ELF5: variants seen among roughly 807,000 people sequenced by gnomAD.
ELF5 encodes ETS-related transcription factor Elf-5.
In ELF5, 31 loss-of-function variants were observed where a neutral mutation model predicts 38.2. The ratio of observed to expected loss-of-function variants is 0.81; its 90% confidence interval spans 0.61 to 1.10. ELF5 has a LOEUF of 1.10. Ranked by LOEUF, ELF5 falls within the 50% of genes least tolerant of loss-of-function variation. The pLI is 0.00. For synonymous variants in ELF5, 121 were observed against 112.5 expected, an observed-to-expected ratio of 1.08 and a Z score of -0.48; for missense variants, 300 against 306.6, an observed-to-expected ratio of 0.98 and a Z score of 0.16.
chr11:34,490,710 A>G (rs188115979), intron 3 of ELF5, among the ~76,000 whole-genome samples: 29 of 152,316 alleles, frequency 1.9e-4, no homozygotes, highest in African/African-American at 6.3e-4. Context: ...GTGTTTTCAC[A>G]TAGCAGTTTA....
chr11:34,489,970 C>A (rs756406296), intron 4 of ELF5, 39 bp downstream of exon 4: 7 of 1,612,324 alleles, frequency 4.3e-6, no homozygotes, highest in Non-Finnish European at 5.9e-6. Context: ...CAATGACAAC[C>A]TTGACAGAGC....
In ELF5 at chr11:34,480,798, T is replaced by A. The variant is rs2231828; in HGVS notation, c.645A>T (p.Thr215=). 6.2e-7 allele frequency: 1 copy of A among 1,613,858 alleles called. No individual in the cohort carries two copies. The highest frequency in any genetic ancestry group is 1.6e-4 in the Middle Eastern group (1 of 6,062). ...TCAGGGCTCTGCTCAACTTTTCATATGTCATTCTGTCATTTTTCTTCCTTT... is the reference window on the plus strand; with the variant it reads ...TCAGGGCTCTGCTCAACTTTTCATAAGTCATTCTGTCATTTTTCTTCCTTT... ...WGQRKKNDRM[T]YEKLSRALRY... is the part of the protein sequence containing the mutation. Residue 215 remains threonine (T), a synonymous_variant, in exon 6 of 7, where the codon ACA becomes ACT. Coordinates refer to ENST00000257832, the MANE Select transcript of ELF5 (RefSeq NM_001422.4).
At chr11:34,498,622 G>A (rs1228733708) in intron 2 of ELF5, among the ~76,000 whole-genome samples, 1 of 152,196 alleles carries the variant, frequency 6.6e-6, no homozygotes, top group Non-Finnish European at 1.5e-5. Flanking sequence ...GAGCAGAGGA[G>A]AGGGTGATGG....
chr11:34,481,241 C>T (rs1195477895), intron 5 of ELF5, among the ~76,000 whole-genome samples: 1 of 151,994 alleles, frequency 6.6e-6, no homozygotes, highest in African/African-American at 2.4e-5. Context: ...CCAGGCTGGC[C>T]TCGAACTCCT....
chr11:34,511,859 C>T (rs1397997038), intron 1 of ELF5: 4 of 455,646 alleles, frequency 8.8e-6, no homozygotes, highest in Non-Finnish European at 1.2e-5. Context: ...TCATCAACTT[C>T]ACTCTGGGCA....
chr11:34,489,669 A>G (rs1386590078), intron 4 of ELF5, among the ~76,000 whole-genome samples: 1 of 151,238 alleles, frequency 6.6e-6, no homozygotes, highest in Non-Finnish European at 1.5e-5. Flanking sequence ...TGACAAATGG[A>G]TACTGGTTTG....
At chr11:34,492,167 T>C (rs1293952107) in intron 3 of ELF5, 1 of 152,280 alleles carries the variant, frequency 6.6e-6, no homozygotes, top group Non-Finnish European at 1.5e-5. Context: ...TTGTCCTCTT[T>C]CAGGGAGTGC....
At chr11:34,505,253 TA>T (rs1850582729) in intron 2 of ELF5, among the ~76,000 whole-genome samples, 1 of 152,172 alleles carries the variant, frequency 6.6e-6, no homozygotes, top group Non-Finnish European at 1.5e-5. Context: ...AAATGTTGGC[TA>T]AAACCACCAT....
At chr11:34,496,965 G>T (rs1850334643) in intron 2 of ELF5, among the ~76,000 whole-genome samples, 1 of 152,190 alleles carries the variant, frequency 6.6e-6, no homozygotes, top group Non-Finnish European at 1.5e-5. Flanking sequence ...ACTAAAGCAA[G>T]ATTTGGATGA....
chr11:34,494,141 C>T (rs1274945531), intron 2 of ELF5, among the ~76,000 whole-genome samples: 1 of 152,190 alleles, frequency 6.6e-6, no homozygotes, highest in Non-Finnish European at 1.5e-5. Flanking sequence ...GTCTCAGTTT[C>T]CTCATCTGTA....
In ELF5 at chr11:34,506,002, C is replaced by T. The variant is rs573730712; in HGVS notation, c.-4-249G>A. On this transcript the variant is annotated intron_variant, in intron 1 of 6. Transcript: ENST00000257832. ...TGAGACAATTGCCAAAGTGATATAA[C>T]TAGAAAGTGGCAAAGAGGGGACTGG... 1.2e-3 allele frequency among the ~76,000 whole-genome samples: 178 copies of T among 152,268 alleles called. 2 individuals carry two copies. The highest frequency in any genetic ancestry group is 5.6e-4 in the Non-Finnish European group (38 of 68,014).
chr11:34,495,502 G>C (rs992668912), intron 2 of ELF5, among the ~76,000 whole-genome samples: 3 of 152,142 alleles, frequency 2.0e-5, no homozygotes, highest in Non-Finnish European at 4.4e-5. Context: ...CTATCCAGTA[G>C]GTGTAATTGG....
intron 1 of ELF5, among the ~76,000 whole-genome samples, chr11:34,513,400 G>A (rs1055470566): frequency 6.6e-6 from 1 of 152,240 alleles, no homozygotes; most frequent in African/African-American, 2.4e-5. Flanking sequence ...GCGCCTGGGC[G>A]CGTTCTCTTA....
intron 2 of ELF5, among the ~76,000 whole-genome samples, chr11:34,496,018 T>C (rs1430967106): frequency 6.6e-6 from 1 of 152,040 alleles, no homozygotes; most frequent in Admixed American, 6.6e-5. Context: ...CACAGTTGAT[T>C]TCATGGAAAG....
In ELF5 at chr11:34,490,088, A is replaced by G. The variant is rs750913133; in HGVS notation, c.356-29T>C. ...GGAAAGAAAAAGAAATCCAGAAACCATACCATGCAATCCTGGTTTCCACTG... is the reference window on the plus strand; with the variant it reads ...GGAAAGAAAAAGAAATCCAGAAACCGTACCATGCAATCCTGGTTTCCACTG... On this transcript the variant is annotated intron_variant, in intron 3 of 6. Transcript: ENST00000257832. 30 of 1,612,912 alleles carry G rather than the reference A, an allele frequency of 1.9e-5. No individual in the cohort carries two copies. In the Admixed American group the frequency reaches 4.7e-4, roughly 25 times the overall value.
chr11:34,499,224 A>C (rs981118801), intron 2 of ELF5, among the ~76,000 whole-genome samples: 5 of 152,116 alleles, frequency 3.3e-5, no homozygotes, highest in Admixed American at 6.5e-5. Flanking sequence ...CTCAAAGCAA[A>C]AATTTTGAGG....
At chr11:34,493,972 C>CA (rs1396135705) in intron 2 of ELF5, among the ~76,000 whole-genome samples, 70 of 149,532 alleles carry the variant, frequency 4.7e-4, no homozygotes, top group East Asian at 2.1e-3. Flanking sequence ...TGCTGATGCT[C>CA]AAAAAAAAAG....
At chr11:34,511,512 A>T in intron 1 of ELF5, 1 of 1,614,226 alleles carries the variant, frequency 6.2e-7, no homozygotes, top group Non-Finnish European at 8.5e-7. Flanking sequence ...AGGTGGGCTC[A>T]CTTCACACAT....
intron 2 of ELF5, among the ~76,000 whole-genome samples, chr11:34,504,261 C>G (rs1024528176): frequency 6.6e-6 from 1 of 152,234 alleles, no homozygotes; most frequent in Admixed American, 6.5e-5. Context: ...GGGAAGGAGA[C>G]ACAGTACATT....
Sources: allele counts gnomAD v4.1 joint callset (sites outside exome capture counted in the v4.1 genomes callset), GRCh38; gene constraint gnomAD v4.1.1; transcripts MANE v1.5; gene names NCBI Gene and HGNC (gene_info 2026-07-23, HGNC 2026-07-21).